ANXA4: variants seen among roughly 807,000 people sequenced by gnomAD.
The protein encoded by ANXA4 is annexin A4.
A neutral mutation model predicts 49.8 loss-of-function variants in ANXA4; 39 were observed. The ratio of observed to expected loss-of-function variants is 0.78; its 90% CI spans 0.61 to 1.02. The LOEUF (loss-of-function observed/expected upper bound fraction) is 1.02, where lower values mean the gene tolerates loss of function less well. Among genes scored for constraint, ANXA4 ranks in the 50% least tolerant of loss-of-function variants. The pLI, the probability that ANXA4 is intolerant of heterozygous loss-of-function variation, is 0.00. For synonymous variants in ANXA4, 134 were observed against 152.5 expected (o/e 0.88, Z 0.89); for missense variants, 360 against 410.1 (o/e 0.88, Z 1.05).
rs111279303 is a variant in ANXA4 at position 69,733,580 on chromosome 2, C to A, written n.864+12709C>A. Among the ~76,000 whole-genome samples, 755 of 151,334 alleles carry A rather than the reference C, an allele frequency of 5.0e-3. 8 individuals are homozygous for A. The highest frequency in any genetic ancestry group is 0.017 in the African/African-American group (694 of 41,130). The stretch of plus-strand genomic sequence containing the variant: ...TGAGCAGTGATTGCACCACTGCACT[C>A]CAGCCTGGGTGACAGAGTGAAACCC... On this transcript the variant is annotated intron_variant and non_coding_transcript_variant, in intron 3 of 3. Transcript: ENST00000418066.
intron 2 of ANXA4, among the ~76,000 whole-genome samples, chr2:69,687,931 C>T (rs933466099): frequency 6.6e-6 from 1 of 152,194 alleles, no homozygotes; most frequent in South Asian, 2.1e-4. Context: ...ATCTCTAAAA[C>T]ATAAGAGCAT....
chr2:69,813,389 C>A (rs1673794475), intron 8 of ANXA4, among the ~76,000 whole-genome samples: 1 of 152,012 alleles, frequency 6.6e-6, no homozygotes, highest in Non-Finnish European at 1.5e-5. Flanking sequence ...GCTGGGATTA[C>A]AGGTGCCTGC....
chr2:69,762,957 A>G (rs549206578), intron 1 of ANXA4, among the ~76,000 whole-genome samples: 11 of 152,264 alleles, frequency 7.2e-5, no homozygotes, highest in Admixed American at 5.9e-4. Flanking sequence ...CTCAGCTTCT[A>G]ACATTATCTC....
chr2:69,644,503 C>A (rs1675922093), exon 1 of ANXA4: 1 of 152,214 alleles, frequency 6.6e-6, no homozygotes. Context: ...GCCGGCTCTG[C>A]GGTCAGCTCT....
intron 2 of ANXA4, among the ~76,000 whole-genome samples, chr2:69,690,071 T>A (rs1446403781): frequency 6.6e-6 from 1 of 152,204 alleles, no homozygotes; most frequent in Non-Finnish European, 1.5e-5. Context: ...CGTTCTTTTT[T>A]ACAGCTGTGT....
intron 3 of ANXA4, among the ~76,000 whole-genome samples, chr2:69,733,568 C>T (rs1670161378): frequency 6.6e-6 from 1 of 150,454 alleles, no homozygotes; most frequent in Non-Finnish European, 1.5e-5. Flanking sequence ...GCAGTGATTG[C>T]ACCACTGCAC....
At chr2:69,807,875 ATAT>A in intron 5 of ANXA4, 28 bp from the exon 6 acceptor site, 2 of 1,600,476 alleles carry the variant, frequency 1.2e-6, no homozygotes, top group Non-Finnish European at 1.7e-6. Context: ...AAACTGGCTC[ATAT>A]AGCCCTGTCC....
At chr2:69,658,514 C>A (rs771630818) in intron 2 of ANXA4, among the ~76,000 whole-genome samples, 4 of 151,834 alleles carry the variant, frequency 2.6e-5, no homozygotes, top group African/African-American at 7.3e-5. Context: ...AACAGTTTCA[C>A]GAAGATTTAA....
intron 12 of ANXA4, among the ~76,000 whole-genome samples, chr2:69,824,505 A>G (rs888297793): frequency 6.1e-5 from 5 of 81,584 alleles, no homozygotes; most frequent in Non-Finnish European, 8.9e-5. Flanking sequence ...TCCGTCTCAG[A>G]AAAAAAAAAA....
intron 3 of ANXA4, among the ~76,000 whole-genome samples, chr2:69,790,451 A>C (rs1373722643): frequency 1.3e-5 from 2 of 152,154 alleles, no homozygotes; most frequent in Non-Finnish European, 2.9e-5. Flanking sequence ...GCGAGAAGAG[A>C]TAAACTTCAC....
intron 3 of ANXA4, among the ~76,000 whole-genome samples, chr2:69,790,609 G>C (rs920159529): frequency 6.6e-6 from 1 of 152,100 alleles, no homozygotes; most frequent in African/African-American, 2.4e-5. Context: ...GGGTATATGG[G>C]GCTTGGCTTT....
intron 3 of ANXA4, among the ~76,000 whole-genome samples, chr2:69,736,439 AC>A (rs1315047872): frequency 6.6e-6 from 1 of 152,218 alleles, no homozygotes; most frequent in East Asian, 1.9e-4. Context: ...TATTTAAAGC[AC>A]CTAGAATACT....
intron 2 of ANXA4, among the ~76,000 whole-genome samples, chr2:69,657,596 A>G (rs1559048476): frequency 6.6e-6 from 1 of 152,182 alleles, no homozygotes; most frequent in Non-Finnish European, 1.5e-5. Flanking sequence ...CTAAAGTAAT[A>G]ATTTTATGCT....
intron 1 of ANXA4, among the ~76,000 whole-genome samples, chr2:69,760,323 A>G (rs894614296): frequency 1.4e-4 from 22 of 152,246 alleles, no homozygotes; most frequent in African/African-American, 5.1e-4. Flanking sequence ...CATATGGTTT[A>G]AAAATCTAAA....
At chr2:69,819,048 T>C (rs1674121123) in intron 10 of ANXA4, among the ~76,000 whole-genome samples, 2 of 152,236 alleles carry the variant, frequency 1.3e-5, no homozygotes, top group African/African-American at 4.8e-5. Context: ...CCCTTTGCTT[T>C]GATAGACTTT....
chr2:69,739,366 T>A (rs899559325), upstream of ANXA4, among the ~76,000 whole-genome samples: 2 of 152,070 alleles, frequency 1.3e-5, no homozygotes, highest in East Asian at 3.8e-4. Flanking sequence ...CTTGTTCCCT[T>A]GTCCTTGTGA....
intron 8 of ANXA4, among the ~76,000 whole-genome samples, chr2:69,813,752 C>A: frequency 7.7e-6 from 1 of 130,008 alleles, no homozygotes; most frequent in African/African-American, 2.8e-5. Context: ...CTCTCTCTCT[C>A]TCTCTCTTTT....
At chr2:69,814,779 TGTGTGTGTGTGTGTG>T (rs1558524000) in intron 8 of ANXA4, 12 of 101,508 alleles carry the variant, frequency 1.2e-4, no homozygotes, top group African/African-American at 9.6e-4. Context: ...TGTGTGTGTG[TGTGTGTGTGTGTGTG>T]AGAGAAAGAG....
chr2:69,757,389 G>A (rs1207747612), intron 1 of ANXA4, among the ~76,000 whole-genome samples: 1 of 141,984 alleles, frequency 7.0e-6, no homozygotes, highest in East Asian at 2.1e-4. Flanking sequence ...TCCTGCCCCA[G>A]CCTCCCTAGT....
Sources: allele counts gnomAD v4.1 joint callset (sites outside exome capture counted in the v4.1 genomes callset), GRCh38; gene constraint gnomAD v4.1.1; transcripts MANE v1.5; gene names NCBI Gene and HGNC (gene_info 2026-07-23, HGNC 2026-07-21).